TSFM: variants seen among roughly 807,000 people sequenced by gnomAD.
The protein encoded by TSFM is elongation factor Ts, mitochondrial.
TSFM carries 29 observed loss-of-function variants against 33.4 expected under a neutral mutation model. That is an observed-to-expected ratio of 0.87 (90% CI 0.65 to 1.18). The LOEUF is 1.18. Ranked by LOEUF, TSFM falls within the 50% of genes most tolerant of loss-of-function variation. The pLI is 0.00. For missense variants in TSFM, 394 were observed against 395.6 expected, an observed-to-expected ratio of 1.00 and a Z score of 0.04; for synonymous variants, 178 against 163.5, an observed-to-expected ratio of 1.09 and a Z score of -0.68.
At position 57,797,173 on chromosome 12, in the gene TSFM, T is replaced by C; in HGVS notation, c.*590T>C. On this transcript the variant is annotated 3_prime_UTR_variant, in exon 6 of 6. Coordinates refer to ENST00000652027, the MANE Select transcript of TSFM (RefSeq NM_005726.6). ...CCCTATTTCTCTTTTGGATGATGTGTGGGTGGGTGGGTACTGAGGTTTCCT... is the reference window on the plus strand; with the variant it reads ...CCCTATTTCTCTTTTGGATGATGTGCGGGTGGGTGGGTACTGAGGTTTCCT... The C allele has an allele frequency of 3.0e-6, 3 of 985,396 alleles. No individual in the cohort carries two copies. The highest frequency in any genetic ancestry group is 3.6e-6 in the Non-Finnish European group (3 of 829,916). 61.0% of individuals were successfully genotyped at this position (985,396 alleles called of 1,614,324 possible).
downstream of TSFM, chr12:57,802,330 CCCCAAT>C: frequency 6.2e-7 from 1 of 1,612,364 alleles, no homozygotes; most frequent in Non-Finnish European, 8.5e-7. Flanking sequence ...TTGGCCTCAG[CCCCAAT>C]CCACAAGAAC....
At chr12:57,795,399 T>C (rs923953385) in intron 5 of TSFM, among the ~76,000 whole-genome samples, 6 of 151,632 alleles carry the variant, frequency 4.0e-5, no homozygotes, top group African/African-American at 1.5e-4. Flanking sequence ...CACGGCTGGC[T>C]GCTTTTACAT....
intron 2 of TSFM, among the ~76,000 whole-genome samples, chr12:57,784,670 CGA>C (rs1565820542): frequency 1.3e-5 from 2 of 151,528 alleles, no homozygotes; most frequent in Non-Finnish European, 2.9e-5. Flanking sequence ...CCTGAGGTTG[CGA>C]GTTCGAGACT....
chr12:57,802,304 C>G, downstream of TSFM: 1 of 1,613,910 alleles, frequency 6.2e-7, no homozygotes, highest in Non-Finnish European at 8.5e-7. Flanking sequence ...CAAGGGCACT[C>G]TCCTTCTCCG....
chr12:57,800,961 A>G (rs1955835114), downstream of TSFM, among the ~76,000 whole-genome samples: 1 of 152,224 alleles, frequency 6.6e-6, no homozygotes, highest in African/African-American at 2.4e-5. Flanking sequence ...GAAGTCAGGA[A>G]AATAAGGAAC....
exon 6 of TSFM, chr12:57,802,620 A>G (rs1955873227): frequency 1.4e-6 from 1 of 701,824 alleles, no homozygotes; most frequent in Non-Finnish European, 2.6e-6. Flanking sequence ...CTTGCAGAAC[A>G]CCTCCTCTTG....
downstream of TSFM, chr12:57,799,668 C>A: frequency 7.3e-7 from 1 of 1,371,016 alleles, no homozygotes; most frequent in African/African-American, 1.5e-5. Context: ...GTTTGAGTTC[C>A]TAGGTAGCTC....
chr12:57,793,089 G>C lies in TSFM; in HGVS notation c.571+16G>C. 1.2e-6 allele frequency: 2 copies of C among 1,606,696 alleles called. No individual in the cohort carries two copies. The highest frequency in any genetic ancestry group is 1.7e-6 in the Non-Finnish European group (2 of 1,175,632). On this transcript the variant is annotated intron_variant, in intron 5 of 5. Coordinates refer to ENST00000652027, the MANE Select transcript of TSFM (RefSeq NM_005726.6). ...TTAGCAATTGGTGAGTATTTGTAAA[G>C]GTTCTGGAAACTGGAAATTAGGGAC...
rs915471239 is a variant in TSFM, at chr12:57,797,269, G to C, written c.*686G>C. 5 of 985,270 alleles carry C rather than the reference G, an allele frequency of 5.1e-6. No homozygotes were observed. Among genetic ancestry groups the C allele is most frequent in the East Asian group, 1.1e-4 (1 of 8,832 alleles). 61.0% of individuals were successfully genotyped at this position (985,270 alleles called of 1,614,324 possible). On this transcript the variant is annotated 3_prime_UTR_variant, in exon 6 of 6. Transcript: ENST00000652027. ...AATTAGAGTAGTCCAGTTACCCAGA[G>C]AGCTCACTTAACATTGCCTCTTTAC...
Position 57,797,227 on chromosome 12 carries a change from C to T in TSFM, c.*644C>T. On this transcript the variant is annotated 3_prime_UTR_variant, in exon 6 of 6. Transcript: ENST00000652027. ...CAGCTGTAAGGCAGATTTTGACATT[C>T]TTGTGCCAGAAACAGAAATTAGAGT... is the stretch of plus-strand genomic sequence containing the variant. 1.0e-6 allele frequency: 1 copy of T among 985,400 alleles called. No homozygotes were observed. Among genetic ancestry groups the T allele is most frequent in the Non-Finnish European group, 1.2e-6 (1 of 829,930 alleles). 61.0% of individuals were successfully genotyped at this position (985,400 alleles called of 1,614,324 possible). A position where few individuals can be genotyped will look rare whatever the true frequency, so the allele number is the denominator to read the frequency against.
At position 57,796,677 on chromosome 12, in the gene TSFM, A is replaced by G; in HGVS notation, c.*94A>G. 1 of 1,257,944 alleles carries G rather than the reference A, an allele frequency of 7.9e-7. No homozygotes were observed. The highest frequency in any genetic ancestry group is 3.1e-5 in the East Asian group (1 of 32,528). 77.9% of individuals were successfully genotyped at this position (1,257,944 alleles called of 1,614,324 possible). A position where few individuals can be genotyped will look rare whatever the true frequency, so the allele number is the denominator to read the frequency against. ...TTTCCCAAACCTCTTCAGACCGAGA[A>G]TGCATGGGTAAAATTATTAAATAGT... On this transcript the variant is annotated 3_prime_UTR_variant, in exon 6 of 6. Coordinates refer to ENST00000652027, the MANE Select transcript of TSFM (RefSeq NM_005726.6).
intron 4 of TSFM, 60 bp downstream of exon 4, chr12:57,787,222 G>T: frequency 6.7e-7 from 1 of 1,482,312 alleles, no homozygotes; most frequent in Non-Finnish European, 9.2e-7. Context: ...GTCTTTTGCT[G>T]TTCCTATTGT....
chr12:57,784,459 C>G (rs1007844811), intron 2 of TSFM, among the ~76,000 whole-genome samples: 1 of 152,150 alleles, frequency 6.6e-6, no homozygotes. Context: ...ATTTTATAAA[C>G]TTTTAACATG....
At chr12:57,801,040 T>C, downstream of TSFM, 2 of 898,094 alleles carry the variant, frequency 2.2e-6, no homozygotes, top group Non-Finnish European at 3.5e-6. Flanking sequence ...ACTATGGTAA[T>C]ACTAAGGACA....
chr12:57,802,440 TC>T, downstream of TSFM: 6 of 1,426,796 alleles, frequency 4.2e-6, no homozygotes, highest in Non-Finnish European at 4.8e-6. Flanking sequence ...CCCCTTTCTT[TC>T]GTGAGCAATT....
chr12:57,794,777 T>C (rs1638250072), intron 5 of TSFM, among the ~76,000 whole-genome samples: 1 of 152,216 alleles, frequency 6.6e-6, no homozygotes, highest in Admixed American at 6.5e-5. Flanking sequence ...TATTTATTTT[T>C]GAGACGGAGT....
In TSFM at chr12:57,783,490, T is replaced by C. The variant is rs1595134524; in HGVS notation, c.231+207T>C. The C allele has an allele frequency of 2.9e-5, 21 of 717,572 alleles. No individual in the cohort carries two copies. The East Asian group carries it at 5.8e-4, about 20-fold the overall frequency. 44.5% of individuals were successfully genotyped at this position (717,572 alleles called of 1,614,324 possible). ...GTATCCCAGGATTAACAAACCAGAC[T>C]GTTACGGTGTTTCTTGTTGCCTGGA... is the stretch of plus-strand genomic sequence containing the variant. On this transcript the variant is annotated intron_variant, in intron 2 of 5. Coordinates refer to ENST00000652027, the MANE Select transcript of TSFM (RefSeq NM_005726.6).
chr12:57,802,196 T>G, downstream of TSFM: 1 of 1,614,012 alleles, frequency 6.2e-7, no homozygotes, highest in Non-Finnish European at 8.5e-7. Flanking sequence ...GGAACCAGCC[T>G]GTGAAGATGG....
Position 57,783,105 on chromosome 12 carries a change from T to C in TSFM, c.58-5T>C, listed in dbSNP as rs374800985. The C allele has an allele frequency of 6.2e-7, 1 of 1,607,558 alleles. No homozygotes were observed. Among genetic ancestry groups the C allele is most frequent in the African/African-American group, 1.3e-5 (1 of 74,814 alleles). ...TGCTCCTCATCCCTTTCTTATCTCA[T>C]CTAGGCTGGGTCTCTTCTGCGTCAG... On this transcript the variant is annotated splice_region_variant and splice_polypyrimidine_tract_variant and intron_variant, in intron 1 of 5. Transcript: ENST00000652027.
Sources: allele counts gnomAD v4.1 joint callset (sites outside exome capture counted in the v4.1 genomes callset), GRCh38; gene constraint gnomAD v4.1.1; transcripts MANE v1.5; gene names NCBI Gene and HGNC (gene_info 2026-07-23, HGNC 2026-07-21).